DBI: variants seen among roughly 807,000 people sequenced by gnomAD.
DBI encodes the protein diazepam binding inhibitor, acyl-CoA binding protein.
DBI carries 12 observed loss-of-function variants against 13.0 expected under a neutral mutation model. The observed-to-expected ratio is 0.92, with a 90% CI of 0.59 to 1.49. DBI has a LOEUF of 1.49. Ranked by LOEUF, DBI falls within the 40% of genes most tolerant of loss-of-function variation. The pLI is 0.00. For synonymous variants in DBI, 37 were observed against 37.4 expected (o/e 0.99, Z 0.04); for missense variants, 95 against 104.8 (o/e 0.91, Z 0.41).
intron 2 of DBI, 43 bp downstream of exon 2, chr2:119,368,348 A>G (rs375831330): frequency 2.1e-6 from 3 of 1,460,916 alleles, no homozygotes; most frequent in African/African-American, 2.8e-5. Flanking sequence ...TCATCAAAGC[A>G]GGCTCAGCAG....
Position 119,372,371 on chromosome 2 carries a change from CTTGTTTTTTTCTAAT to C in DBI, c.*54_*68del. ...TGTTTATCCTAAACTGAGACAATGC[CTTGTTTTTTTCTAAT>C]ACCGTGGATGGTGGGAATTCGGGAA... On this transcript the variant is annotated 3_prime_UTR_variant, in exon 4 of 4. Transcript: ENST00000355857. 1.4e-6 allele frequency: 2 copies of C among 1,405,214 alleles called. No individual in the cohort carries two copies. The highest frequency in any genetic ancestry group is 3.4e-5 in the Admixed American group (2 of 59,452). 87.0% of individuals were successfully genotyped at this position (1,405,214 alleles called of 1,614,324 possible).
At chr2:119,367,445 C>G in intron 1 of DBI, 1 of 1,556,180 alleles carries the variant, frequency 6.4e-7, no homozygotes, top group Non-Finnish European at 8.7e-7. Context: ...GCGAGGAGTC[C>G]GTGGCCGAGA....
chr2:119,367,484 G>A, intron 1 of DBI: 1 of 1,596,976 alleles, frequency 6.3e-7, no homozygotes, highest in Non-Finnish European at 8.6e-7. Context: ...GTACGGGGCC[G>A]GCTGCTCAGA....
intron 2 of DBI, chr2:119,368,922 G>A (rs1487983555): frequency 6.5e-6 from 1 of 153,838 alleles, no homozygotes; most frequent in East Asian, 1.9e-4. Context: ...TGAGGCAACA[G>A]CGCAGTGCAT....
At chr2:119,370,896 C>G in intron 3 of DBI, 94 bp downstream of exon 3, 1 of 1,202,960 alleles carries the variant, frequency 8.3e-7, no homozygotes, top group Non-Finnish European at 1.2e-6. Context: ...AAAACAAAGT[C>G]AATGGGGCAC....
At chr2:119,370,678 G>T (rs1681445977) in intron 2 of DBI, 62 bp from the exon 3 acceptor site, 3 of 1,481,974 alleles carry the variant, frequency 2.0e-6, no homozygotes, top group Non-Finnish European at 2.8e-6. Flanking sequence ...TGGCAAGAAG[G>T]TTGATCAAGT....
chr2:119,367,269 G>A, intron 1 of DBI: 1 of 1,437,412 alleles, frequency 7.0e-7, no homozygotes, highest in South Asian at 1.5e-5. Context: ...CCCCGCAACT[G>A]CCGGAAAGTT....
intron 2 of DBI, 174 bp from the exon 3 acceptor site, chr2:119,370,566 T>A: frequency 2.2e-6 from 1 of 445,460 alleles, no homozygotes; most frequent in East Asian, 3.4e-5. Flanking sequence ...TAAGTTTGGA[T>A]TGGCATACAT....
intron 1 of DBI, 59 bp downstream of exon 1, chr2:119,367,119 C>A: frequency 6.2e-7 from 1 of 1,607,452 alleles, no homozygotes; most frequent in Non-Finnish European, 8.5e-7. Flanking sequence ...CCGTTGGGGG[C>A]TCAGCCGGCT....
At chr2:119,367,904 T>A (rs1447445974) in intron 1 of DBI, 8 of 1,614,120 alleles carry the variant, frequency 5.0e-6, no homozygotes, top group Non-Finnish European at 6.8e-6. Context: ...TCTTCACTGC[T>A]GTATTTCCAG....
intron 1 of DBI, chr2:119,367,507 G>A (rs1395280375): frequency 1.2e-6 from 2 of 1,601,858 alleles, no homozygotes; most frequent in Non-Finnish European, 8.5e-7. Context: ...GCGGGACGAG[G>A]AGAATCGCGG....
chr2:119,366,995 G>C lies in DBI; in HGVS notation c.-57G>C. The C allele has an allele frequency of 1.2e-6, 2 of 1,611,054 alleles. No individual in the cohort carries two copies. Among genetic ancestry groups the C allele is most frequent in the Non-Finnish European group, 1.7e-6 (2 of 1,177,720 alleles). ...GCTTGCCAGTGCAATCTGGGCGATC[G>C]CTTCCTGGTCCTCGCCTCCTCCGCT... On this transcript the variant is annotated 5_prime_UTR_variant, in exon 1 of 4. Transcript: ENST00000355857.
chr2:119,368,560 A>G, intron 2 of DBI: 1 of 422,512 alleles, frequency 2.4e-6, no homozygotes, highest in Non-Finnish European at 4.4e-6. Flanking sequence ...GGGAAGAAGC[A>G]AAGGCTGCAG....
At chr2:119,367,848 C>T (rs1681164485) in intron 1 of DBI, 1 of 1,613,752 alleles carries the variant, frequency 6.2e-7, no homozygotes, top group African/African-American at 1.3e-5. Context: ...CGCGCTGCTT[C>T]TCCCGCAGAG....
intron 3 of DBI, among the ~76,000 whole-genome samples, chr2:119,371,549 C>T (rs1263319091): frequency 6.6e-6 from 1 of 152,214 alleles, no homozygotes; most frequent in Non-Finnish European, 1.5e-5. Context: ...CATTTCCATA[C>T]CATCCTCAGG....
intron 2 of DBI, 108 bp from the exon 3 acceptor site, chr2:119,370,632 C>T: frequency 9.9e-7 from 1 of 1,008,040 alleles, no homozygotes; most frequent in South Asian, 1.5e-5. Flanking sequence ...CATGACAGAG[C>T]CTAGAAGGAA....
intron 1 of DBI, 116 bp downstream of exon 1, chr2:119,367,176 T>C: frequency 6.5e-7 from 1 of 1,532,358 alleles, no homozygotes; most frequent in Non-Finnish European, 8.8e-7. Context: ...CACTTGCTCA[T>C]GGGCCCATGC....
At chr2:119,368,112 C>A in intron 1 of DBI, 76 bp from the exon 2 acceptor site, 1 of 1,493,520 alleles carries the variant, frequency 6.7e-7, no homozygotes, top group Non-Finnish European at 9.3e-7. Flanking sequence ...ACTGGGCTGT[C>A]ATCAGGCCAC....
In DBI at chr2:119,372,502, T is replaced by G; in HGVS notation, c.*184T>G. 2.0e-6 allele frequency: 1 copy of G among 507,474 alleles called. No individual in the cohort carries two copies. Among genetic ancestry groups the G allele is most frequent in the Admixed American group, 3.4e-5 (1 of 29,326 alleles). The allele number at this position is 507,474 out of a possible 1,614,324, so 31.4% of individuals were successfully genotyped here. On this transcript the variant is annotated 3_prime_UTR_variant, in exon 4 of 4. Coordinates refer to ENST00000355857, the MANE Select transcript of DBI (RefSeq NM_001079862.4). ...ACGATTACTGACTTTCCTTGAGTAG[T>G]TTTTATCTGAAATCAATTAAAAGTG...
Sources: gnomAD v4.1 joint callset for allele counts (sites outside exome capture counted in the v4.1 genomes callset) on GRCh38, gnomAD v4.1.1 for gene constraint, MANE v1.5 for transcripts, NCBI Gene and HGNC (gene_info 2026-07-23, HGNC 2026-07-21) for gene names.